Variants in RNF150 observed in about 807,000 individuals in gnomAD.
RNF150 encodes the protein ring finger protein 150.
In RNF150, 24 loss-of-function variants were observed where a neutral mutation model predicts 39.3. The observed-to-expected ratio is 0.61, with a 90% confidence interval of 0.44 to 0.86. The LOEUF (loss-of-function observed/expected upper bound fraction) is 0.86. Among genes scored for constraint, RNF150 ranks in the 40% least tolerant of loss-of-function variants. The pLI, the probability that RNF150 is intolerant of heterozygous loss-of-function variation, is 0.00. For missense variants in RNF150, 502 were observed against 587.8 expected, an observed-to-expected ratio of 0.85 and a Z score of 1.51; for synonymous variants, 255 against 227.3, an observed-to-expected ratio of 1.12 and a Z score of -1.10.
intron 2 of RNF150, among the ~76,000 whole-genome samples, chr4:140,966,503 C>G (rs1172454452): frequency 6.6e-6 from 1 of 151,974 alleles, no homozygotes; most frequent in East Asian, 1.9e-4. Flanking sequence ...AGTTTATACA[C>G]ATTAATAAGA....
chr4:140,938,391 A>G (rs367891095), intron 4 of RNF150, among the ~76,000 whole-genome samples: 90 of 152,210 alleles, frequency 5.9e-4, no homozygotes, highest in African/African-American at 2.1e-3. Context: ...CTAAAGAGGG[A>G]ATTTCACAAA....
chr4:141,085,320 T>C (rs1456887100), intron 1 of RNF150, among the ~76,000 whole-genome samples: 1 of 152,166 alleles, frequency 6.6e-6, no homozygotes, highest in African/African-American at 2.4e-5. Context: ...TCCCACGACA[T>C]GTGGGCATTA....
rs1191678834 is a variant in RNF150 at position 140,861,649 on chromosome 4, T to C, written c.*6612A>G. ...TCCATGTATGTGTTAGTTCTTCAACTGCTCTACTATACCCATTAGTACAGG... is the reference window on the plus strand; with the variant it reads ...TCCATGTATGTGTTAGTTCTTCAACCGCTCTACTATACCCATTAGTACAGG... On this transcript the variant is annotated 3_prime_UTR_variant, in exon 7 of 7. Transcript: ENST00000515673. 6.6e-6 allele frequency: 1 copy of C among 152,254 alleles called. No individual in the cohort carries two copies. Among genetic ancestry groups the C allele is most frequent in the African/African-American group, 2.4e-5 (1 of 41,470 alleles). The allele number at this position is 152,254 out of a possible 1,614,324, so 9.4% of individuals were successfully genotyped here. A position where few individuals can be genotyped will look rare whatever the true frequency, so the allele number is the denominator to read the frequency against.
intron 1 of RNF150, among the ~76,000 whole-genome samples, chr4:141,000,820 G>A (rs905602827): frequency 6.6e-6 from 1 of 152,102 alleles, no homozygotes; most frequent in African/African-American, 2.4e-5. Flanking sequence ...TCCTTGACAG[G>A]CATCCTCATT....
intron 1 of RNF150, among the ~76,000 whole-genome samples, chr4:140,993,092 G>A (rs967404209): frequency 2.6e-5 from 4 of 152,140 alleles, no homozygotes; most frequent in African/African-American, 9.7e-5. Flanking sequence ...ACTGCTATGA[G>A]AGATTGCCAC....
Position 140,919,016 on chromosome 4 carries a change from G to A in RNF150, c.987+6961C>T, listed in dbSNP as rs1730982388. Among the ~76,000 whole-genome samples the A allele has an allele frequency of 2.0e-5, 3 of 152,070 alleles. No homozygotes were observed. The South Asian group carries it at 6.3e-4, about 32-fold the overall frequency. ...CATGCTAAAAACTCTCAATAAGTTA[G>A]GTATTGATGGGACGTATCTCAAAAT... On this transcript the variant is annotated intron_variant, in intron 5 of 6. Transcript: ENST00000515673.
In RNF150 at chr4:141,140,582, T is replaced by C. The variant is rs1311245562; in HGVS notation, c.-6+72212A>G. The stretch of plus-strand genomic sequence containing the variant: ...TTCATTGAGTACATTTTAAAAACTA[T>C]CTGCTTTTCTTTTTCTGCTCTTTGA... On this transcript the variant is annotated intron_variant, in intron 1 of 7. Transcript: ENST00000420921. Among the ~76,000 whole-genome samples the C allele has an allele frequency of 2.6e-5, 4 of 152,370 alleles. No homozygotes were observed. The East Asian group carries it at 7.7e-4, about 29-fold the overall frequency.
At chr4:140,893,009 G>A (rs1224897759) in intron 6 of RNF150, among the ~76,000 whole-genome samples, 1 of 152,112 alleles carries the variant, frequency 6.6e-6, no homozygotes, top group Non-Finnish European at 1.5e-5. Flanking sequence ...TGAGGCTGCA[G>A]TGAGCCATGA....
chr4:140,882,349 C>T lies in RNF150; in HGVS notation c.1199-13970G>A, dbSNP rs2111206863. 1.3e-5 allele frequency among the ~76,000 whole-genome samples: 2 copies of T among 152,246 alleles called. 1 individual carries two copies. The highest frequency in any genetic ancestry group is 4.1e-4 in the South Asian group (2 of 4,824). On this transcript the variant is annotated intron_variant, in intron 6 of 6. Coordinates refer to ENST00000515673, the MANE Select transcript of RNF150 (RefSeq NM_020724.2). ...TCTTAAGACTTGTTTTGTGGCCTAA[C>T]ATGTGATCTATCCTTGAGAATGTTT... is the stretch of plus-strand genomic sequence containing the variant.
chr4:141,139,287 C>T (rs1028781090), intron 1 of RNF150, among the ~76,000 whole-genome samples: 21 of 152,234 alleles, frequency 1.4e-4, no homozygotes, highest in Admixed American at 4.6e-4. Flanking sequence ...CCTGCGCTGA[C>T]GCTCAGAGGA....
At chr4:141,050,545 G>A (rs1453242867) in intron 1 of RNF150, among the ~76,000 whole-genome samples, 1 of 152,146 alleles carries the variant, frequency 6.6e-6, no homozygotes, top group African/African-American at 2.4e-5. Context: ...TACAGCTGTT[G>A]CAAATGGGAG....
At chr4:141,016,541 G>T (rs978492855) in intron 1 of RNF150, among the ~76,000 whole-genome samples, 2 of 152,256 alleles carry the variant, frequency 1.3e-5, no homozygotes, top group Non-Finnish European at 2.9e-5. Context: ...TCACAGAGAT[G>T]TACCTATTGT....
At chr4:141,007,714 T>C (rs1400063557) in intron 1 of RNF150, among the ~76,000 whole-genome samples, 1 of 152,196 alleles carries the variant, frequency 6.6e-6, no homozygotes, top group Non-Finnish European at 1.5e-5. Context: ...CTTCTAGATG[T>C]AGTAGGATTA....
At chr4:140,964,818 T>C (rs540711274) in intron 2 of RNF150, among the ~76,000 whole-genome samples, 7 of 152,206 alleles carry the variant, frequency 4.6e-5, no homozygotes, top group South Asian at 4.1e-4. Flanking sequence ...ATTATAATTC[T>C]AGAGTACTAA....
chr4:141,025,588 T>C (rs969219743), intron 1 of RNF150, among the ~76,000 whole-genome samples: 2 of 152,056 alleles, frequency 1.3e-5, no homozygotes, highest in African/African-American at 4.8e-5. Context: ...TGAGTTTACA[T>C]AGAAATAAAT....
At chr4:141,027,938 TTTTTTTTTTTTTTTC>T (rs1735781078) in intron 1 of RNF150, among the ~76,000 whole-genome samples, 1 of 130,754 alleles carries the variant, frequency 7.6e-6, no homozygotes, top group African/African-American at 2.9e-5. Context: ...TTTTTTTTTT[TTTTTTTTTTTTTTTC>T]AATCCTGCTG....
rs1032257978 is a variant in RNF150 at position 140,863,256 on chromosome 4, G to C, written c.*5005C>G. 9.9e-5 allele frequency: 15 copies of C among 152,176 alleles called. No homozygotes were observed. Among genetic ancestry groups the C allele is most frequent in the Admixed American group, 7.9e-4 (12 of 15,280 alleles). 9.4% of individuals were successfully genotyped at this position (152,176 alleles called of 1,614,324 possible). ...CTGAGGGTGGGAGAAAGCAGATCTA[G>C]ACAGCATTCTGGAATTGTTGCTTTG... is the stretch of plus-strand genomic sequence containing the variant. On this transcript the variant is annotated 3_prime_UTR_variant, in exon 7 of 7. Coordinates refer to ENST00000515673, the MANE Select transcript of RNF150 (RefSeq NM_020724.2).
intron 1 of RNF150, among the ~76,000 whole-genome samples, chr4:141,111,498 T>C (rs1284996243): frequency 3.3e-5 from 5 of 151,542 alleles, no homozygotes; most frequent in Non-Finnish European, 7.4e-5. Context: ...AGGGCCTTCT[T>C]GGCTTACTTG....
chr4:140,921,536 G>A (rs899681604), intron 5 of RNF150, among the ~76,000 whole-genome samples: 1 of 152,092 alleles, frequency 6.6e-6, no homozygotes, highest in Non-Finnish European at 1.5e-5. Context: ...TTCTACCAGA[G>A]GTACAAGGAG....
Sources: gnomAD v4.1 joint callset for allele counts (sites outside exome capture counted in the v4.1 genomes callset) on GRCh38, gnomAD v4.1.1 for gene constraint, MANE v1.5 for transcripts, NCBI Gene and HGNC (gene_info 2026-07-23, HGNC 2026-07-21) for gene names.